The following PPP2R2C variants were observed in gnomAD, a reference collection of about 807,000 sequenced individuals.
PPP2R2C encodes protein phosphatase 2, regulatory subunit B, gamma.
Under a neutral mutation model 45.3 loss-of-function variants are expected in PPP2R2C, and 10 were observed. The ratio of observed to expected loss-of-function variants is 0.22; its 90% CI spans 0.14 to 0.37. The LOEUF (loss-of-function observed/expected upper bound fraction) is 0.37. Ranked by LOEUF, PPP2R2C falls within the 10% of genes least tolerant of loss-of-function variation. The pLI is 1.00. For missense variants in PPP2R2C, 308 were observed against 619.7 expected, an observed-to-expected ratio of 0.50 and a Z score of 5.34; for synonymous variants, 257 against 245.4, an observed-to-expected ratio of 1.05 and a Z score of -0.44.
intron 2 of PPP2R2C, among the ~76,000 whole-genome samples, chr4:6,495,995 G>A (rs918417418): frequency 2.2e-4 from 34 of 152,262 alleles, no homozygotes; most frequent in Non-Finnish European, 2.4e-4. Context: ...GCACTCCTTG[G>A]TGCCCCTTGG....
chr4:6,522,129 C>T (rs891754149), intron 2 of PPP2R2C, among the ~76,000 whole-genome samples: 6 of 152,188 alleles, frequency 3.9e-5, no homozygotes, highest in Admixed American at 6.5e-5. Context: ...ACAGCTCCCT[C>T]CCACCCACTC....
chr4:6,424,439 T>C (rs1719163825), intron 1 of PPP2R2C, among the ~76,000 whole-genome samples: 1 of 152,176 alleles, frequency 6.6e-6, no homozygotes, highest in South Asian at 2.1e-4. Flanking sequence ...TGGTCCTCCA[T>C]TCAAGCCACC....
At chr4:6,448,391 T>G (rs1720545338) in intron 1 of PPP2R2C, among the ~76,000 whole-genome samples, 1 of 152,066 alleles carries the variant, frequency 6.6e-6, no homozygotes, top group Admixed American at 6.5e-5. Flanking sequence ...GACCCAGGTC[T>G]CCTGACACTT....
intron 1 of PPP2R2C, among the ~76,000 whole-genome samples, chr4:6,412,262 G>A (rs1224928119): frequency 1.3e-5 from 2 of 152,204 alleles, no homozygotes; most frequent in African/African-American, 4.8e-5. Context: ...GGAAGCTGAT[G>A]GGATGGAACA....
intron 6 of PPP2R2C, 44 bp from the exon 7 acceptor site, chr4:6,333,775 C>T: frequency 1.2e-6 from 2 of 1,609,066 alleles, no homozygotes; most frequent in African/African-American, 1.3e-5. Flanking sequence ...GCTGCTCCCG[C>T]CCATGGGGTT....
intron 2 of PPP2R2C, among the ~76,000 whole-genome samples, chr4:6,528,799 T>C (rs962205487): frequency 2.6e-5 from 4 of 152,148 alleles, no homozygotes; most frequent in Non-Finnish European, 5.9e-5. Flanking sequence ...AAAGCTCCCC[T>C]ACTGAGCACC....
chr4:6,534,098 TAA>T (rs1430348755), intron 2 of PPP2R2C, among the ~76,000 whole-genome samples: 1 of 130,114 alleles, frequency 7.7e-6, no homozygotes, highest in East Asian at 2.4e-4. Flanking sequence ...ACACATACAC[TAA>T]AACACACACC....
intron 5 of PPP2R2C, chr4:6,349,845 C>T (rs984691415): frequency 7.3e-6 from 7 of 960,530 alleles, no homozygotes; most frequent in Admixed American, 6.2e-5. Context: ...TAGCCGAGAT[C>T]GCACCATTAT....
intron 1 of PPP2R2C, among the ~76,000 whole-genome samples, chr4:6,441,092 T>A (rs1720127103): frequency 6.6e-6 from 1 of 152,038 alleles, no homozygotes; most frequent in South Asian, 2.1e-4. Flanking sequence ...GCAGAGGACA[T>A]GAGTTTCCAG....
intron 1 of PPP2R2C, among the ~76,000 whole-genome samples, chr4:6,403,307 C>T (rs1338527966): frequency 1.3e-5 from 2 of 152,182 alleles, no homozygotes; most frequent in Admixed American, 6.5e-5. Context: ...GGGAGCGGAG[C>T]GGAGCCCCTT....
At chr4:6,441,415 C>A (rs13150377) in intron 1 of PPP2R2C, among the ~76,000 whole-genome samples, 79,377 of 151,558 alleles carry the variant, frequency 0.52, 22,713 homozygotes, top group Non-Finnish European at 0.67. Context: ...GCCCCATGAG[C>A]CCCATGGGGC....
Position 6,324,395 on chromosome 4 carries a change from C to T in PPP2R2C, c.1053-802G>A, listed in dbSNP as rs191145211. On this transcript the variant is annotated intron_variant, in intron 8 of 8. Coordinates refer to ENST00000382599, the MANE Select transcript of PPP2R2C (RefSeq NM_020416.4). This position sits in a 1 kb window ranked among gnomAD's most constrained non-coding sequence, Gnocchi z 4.1. ...GTAGTGAGCCAAGATCGCGCCACTG[C>T]ACTCCAGCCTGGGCAATAAGAGCAA... Among the ~76,000 whole-genome samples the T allele has an allele frequency of 1.4e-3, 213 of 152,206 alleles. 2 individuals carry two copies. Among genetic ancestry groups the T allele is most frequent in the Admixed American group, 2.9e-3 (44 of 15,292 alleles).
chr4:6,539,855 C>T (rs1357741913), intron 1 of PPP2R2C, among the ~76,000 whole-genome samples: 1 of 152,166 alleles, frequency 6.6e-6, no homozygotes, highest in Non-Finnish European at 1.5e-5. Flanking sequence ...AACTAGATCT[C>T]CCCAAGCCCG....
chr4:6,541,468 AG>A (rs1724800634), intron 1 of PPP2R2C, among the ~76,000 whole-genome samples: 1 of 152,168 alleles, frequency 6.6e-6, no homozygotes, highest in Admixed American at 6.5e-5. Context: ...GCTGGAGCAG[AG>A]GTGGACAGAG....
chr4:6,326,785 G>A (rs1004066498), intron 8 of PPP2R2C, among the ~76,000 whole-genome samples: 4 of 152,228 alleles, frequency 2.6e-5, no homozygotes, highest in African/African-American at 7.2e-5. Flanking sequence ...ACAGCACGCT[G>A]CCCATCTGCG....
chr4:6,502,307 T>C (rs570030689), intron 2 of PPP2R2C, among the ~76,000 whole-genome samples: 1 of 152,162 alleles, frequency 6.6e-6, no homozygotes, highest in Non-Finnish European at 1.5e-5. Flanking sequence ...GGAAATCCTC[T>C]GGGACTTCAC....
chr4:6,400,040 T>C (rs1407936357), intron 1 of PPP2R2C, among the ~76,000 whole-genome samples: 1 of 152,242 alleles, frequency 6.6e-6, no homozygotes, highest in Non-Finnish European at 1.5e-5. Flanking sequence ...CTCTTGGGGT[T>C]GAAATGTTTT....
chr4:6,528,853 C>G (rs1384701338), intron 2 of PPP2R2C, among the ~76,000 whole-genome samples: 1 of 152,160 alleles, frequency 6.6e-6, no homozygotes, highest in Non-Finnish European at 1.5e-5. Flanking sequence ...CCCCCTTTGA[C>G]TGTAATTTTC....
chr4:6,323,019 A>T lies in PPP2R2C; in HGVS notation c.*283T>A, dbSNP rs1731648795. ...AAGGGACGTGAATGAAAGAACCCTG[A>T]ACTGTAAGACTCCACAGTCATGTCC... On this transcript the variant is annotated 3_prime_UTR_variant, in exon 9 of 9. Coordinates refer to ENST00000382599, the MANE Select transcript of PPP2R2C (RefSeq NM_020416.4). 3.1e-6 allele frequency: 1 copy of T among 326,254 alleles called. No individual in the cohort carries two copies. The allele number at this position is 326,254 out of a possible 1,614,324, so 20.2% of individuals were successfully genotyped here. A position where few individuals can be genotyped will look rare whatever the true frequency, so the allele number is the denominator to read the frequency against.
Sources: gnomAD v4.1 joint callset for allele counts (sites outside exome capture counted in the v4.1 genomes callset) on GRCh38, gnomAD v4.1.1 for gene constraint, Gnocchi (gnomAD v3.1) non-coding constraint, MANE v1.5 for transcripts, NCBI Gene and HGNC (gene_info 2026-07-23, HGNC 2026-07-21) for gene names.